MRPL55: variants seen among roughly 807,000 people sequenced by gnomAD.
The protein encoded by MRPL55 is mitochondrial ribosomal protein L55, also known as large ribosomal subunit protein mL55.
In MRPL55, 7 loss-of-function variants were observed where a neutral mutation model predicts 10.6. The ratio of observed to expected loss-of-function variants is 0.66; its 90% CI spans 0.38 to 1.24. The LOEUF is 1.24. Ranked by LOEUF, MRPL55 falls within the 50% of genes most tolerant of loss-of-function variation. The pLI, the probability that MRPL55 is intolerant of heterozygous loss-of-function variation, is 0.02. For missense variants in MRPL55, 148 were observed against 180.3 expected, an observed-to-expected ratio of 0.82 and a Z score of 1.03; for synonymous variants, 57 against 71.8, an observed-to-expected ratio of 0.79 and a Z score of 1.04.
rs1383637421 is a variant in MRPL55, at chr1:228,107,650, C to A, written c.228+18G>T. 6.2e-7 allele frequency: 1 copy of A among 1,611,794 alleles called. No homozygotes were observed. The highest frequency in any genetic ancestry group is 1.3e-5 in the African/African-American group (1 of 75,014). Reference sequence around the variant, plus strand: ...ACCCCAGCCCGGCACCTGGAAGCACCTGGAGAGGGAAGCTTACCGCCAGCA... The same window carrying A: ...ACCCCAGCCCGGCACCTGGAAGCACATGGAGAGGGAAGCTTACCGCCAGCA... On this transcript the variant is annotated intron_variant, in intron 4 of 4. Transcript: ENST00000336520.
chr1:228,109,232 G>A lies in MRPL55; in HGVS notation c.-209C>T, dbSNP rs1020737589. The A allele has an allele frequency of 6.6e-6, 1 of 152,370 alleles. No homozygotes were observed. The highest frequency in any genetic ancestry group is 1.5e-5 in the Non-Finnish European group (1 of 68,096). 9.4% of individuals were successfully genotyped at this position (152,370 alleles called of 1,614,324 possible). On this transcript the variant is annotated 5_prime_UTR_variant, in exon 1 of 5. Coordinates refer to ENST00000336520, the MANE Select transcript of MRPL55 (RefSeq NM_181463.3). The stretch of plus-strand genomic sequence containing the variant: ...GCCCGGTGGAACTAAGACCAGGGAC[G>A]AGGCCACGCAGGAGATCAAGGTACT...
rs1338441270 is a variant in MRPL55, at chr1:228,109,268, GGTGCTGCT to G, written c.-253_-246del. On this transcript the variant is annotated 5_prime_UTR_variant, in exon 1 of 5. Coordinates refer to ENST00000336520, the MANE Select transcript of MRPL55 (RefSeq NM_181463.3). ...GGAGATCAAGGTACTCACTGCGTTG[GGTGCTGCT>G]GCGCTGCAGCCCACGACGTCACTGG... The G allele has an allele frequency of 6.6e-6, 1 of 152,550 alleles. No homozygotes were observed. The highest frequency in any genetic ancestry group is 1.9e-4 in the East Asian group (1 of 5,188). The allele number at this position is 152,550 out of a possible 1,614,324, so 9.4% of individuals were successfully genotyped here.
rs376021962 is a variant in MRPL55, at chr1:228,106,878, C to T, written c.269G>A (p.Arg90Gln). The change falls in exon 5 of 5, where the codon CGG (arginine) becomes CAG (glutamine). Residue 90 changes from arginine (R) to glutamine (Q), a missense_variant. Arg to Gln is a conservative substitution (Grantham distance 43). Transcript: ENST00000336520. ...AGCCTCACGCTTCCGCAGCCTGGCCCGGCGCTCCTCAGGAGACAGGGTGTC... is the reference window on the plus strand; with the variant it reads ...AGCCTCACGCTTCCGCAGCCTGGCCTGGCGCTCCTCAGGAGACAGGGTGTC... ...DLDTLSPEER[R>Q]ARLRKREAQL... 19 of 1,613,740 alleles carry T rather than the reference C, an allele frequency of 1.2e-5. No homozygotes were observed. Among genetic ancestry groups the T allele is most frequent in the Admixed American group, 1.7e-5 (1 of 60,008 alleles).
intron 3 of MRPL55, 166 bp downstream of exon 3, chr1:228,108,068 AG>A: frequency 2.6e-6 from 4 of 1,539,206 alleles, no homozygotes; most frequent in Non-Finnish European, 3.5e-6. Flanking sequence ...CCCCCTAGCC[AG>A]GAAGAGGCTG....
At chr1:228,108,566 GTT>G in intron 2 of MRPL55, 3 of 429,976 alleles carry the variant, frequency 7.0e-6, no homozygotes, top group Non-Finnish European at 1.2e-5. Flanking sequence ...TGTTCTGGCC[GTT>G]ACCGAGTCTG....
intron 4 of MRPL55, 40 bp from the exon 5 acceptor site, chr1:228,106,958 G>A: frequency 1.3e-6 from 2 of 1,578,576 alleles, no homozygotes; most frequent in Non-Finnish European, 8.7e-7. Flanking sequence ...GTGGATCGAG[G>A]GACCTTGAGA....
chr1:228,107,797 A>T lies in MRPL55; in HGVS notation c.99T>A (p.Ala33=), dbSNP rs368833177. The change falls in exon 4 of 5, where the codon GCT becomes GCA. Residue 33 remains alanine, a synonymous_variant. Transcript: ENST00000336520. ...LRRLHTSSWR[A]DSSRASLTRV... is the part of the protein sequence containing the mutation. ...GAGTGAGTGAGGCCCTGCTGCTGTCAGCTCGCCAGGAGGATGTGTGCAGGC... is the reference window on the plus strand; with the variant it reads ...GAGTGAGTGAGGCCCTGCTGCTGTCTGCTCGCCAGGAGGATGTGTGCAGGC... 51 of 1,613,144 alleles carry T rather than the reference A, an allele frequency of 3.2e-5. No individual in the cohort carries two copies. The highest frequency in any genetic ancestry group is 4.2e-5 in the Non-Finnish European group (50 of 1,180,028).
At position 228,107,992 on chromosome 1, in the gene MRPL55, G is replaced by A. The variant is rs776089641; in HGVS notation, c.27-123C>T. On this transcript the variant is annotated intron_variant, in intron 3 of 4. Coordinates refer to ENST00000336520, the MANE Select transcript of MRPL55 (RefSeq NM_181463.3). ...GAGACATTACCAGAGCTGGTGACCC[G>A]TGCCGGGGCAGGATGAGCCTCGGGG... 17 of 1,546,188 alleles carry A rather than the reference G, an allele frequency of 1.1e-5. No homozygotes were observed. Among genetic ancestry groups the A allele is most frequent in the African/African-American group, 4.1e-5 (3 of 73,058 alleles).
chr1:228,107,891 C>T (rs1374571647), intron 3 of MRPL55, 22 bp from the exon 4 acceptor site: 1 of 1,612,448 alleles, frequency 6.2e-7, no homozygotes, highest in South Asian at 1.1e-5. Context: ...TGTTCAAGCT[C>T]TGGTCAGCCG....
chr1:228,108,340 G>T, intron 2 of MRPL55, 22 bp from the exon 3 acceptor site: 2 of 1,435,826 alleles, frequency 1.4e-6, no homozygotes, highest in Non-Finnish European at 1.9e-6. Flanking sequence ...AGAATGAAGA[G>T]ATCTTTTTTA....
chr1:228,107,973 T>C lies in MRPL55; in HGVS notation c.27-104A>G, dbSNP rs1472120231. The C allele has an allele frequency of 9.0e-6, 14 of 1,553,116 alleles. 1 individual carries two copies. The highest frequency in any genetic ancestry group is 8.2e-5 in the African/African-American group (6 of 73,262). ...GGGCACTGCCGGGCCACAGGAGACA[T>C]TACCAGAGCTGGTGACCCGTGCCGG... On this transcript the variant is annotated intron_variant, in intron 3 of 4. Coordinates refer to ENST00000336520, the MANE Select transcript of MRPL55 (RefSeq NM_181463.3).
At chr1:228,108,167 C>A in intron 3 of MRPL55, 68 bp downstream of exon 3, 1 of 1,565,624 alleles carries the variant, frequency 6.4e-7, no homozygotes, top group Non-Finnish European at 8.7e-7. Flanking sequence ...CGGTTTCCTG[C>A]TGAAGAGAGG....
Position 228,106,838 on chromosome 1 carries a change from C to A in MRPL55, c.309G>T (p.Arg103Ser), listed in dbSNP as rs776934428. The A allele has an allele frequency of 3.7e-6, 6 of 1,613,896 alleles. No individual in the cohort carries two copies. The East Asian group carries it at 1.3e-4, about 36-fold the overall frequency. ...LRKREAQLQS[R>S]KEYEQELSDD... is the part of the protein sequence containing the mutation. ...CACTGAGCTCCTGCTCGTACTCCTT[C>A]CTCGACTGGAGCTGAGCCTCACGCT... Residue 103 changes from arginine to serine, a missense_variant, in exon 5 of 5, where the codon AGG (arginine) becomes AGT (serine). By Grantham distance (110) the Arg-to-Ser change is moderately radical (BLOSUM62 -1). Coordinates refer to ENST00000336520, the MANE Select transcript of MRPL55 (RefSeq NM_181463.3).
At chr1:228,108,746 G>A (rs1389321817) in intron 2 of MRPL55, 1 of 167,842 alleles carries the variant, frequency 6.0e-6, no homozygotes. Flanking sequence ...GGATTCCCAT[G>A]GGAGTCTGTG....
At position 228,107,568 on chromosome 1, in the gene MRPL55, C is replaced by T. The variant is rs984737279; in HGVS notation, c.228+100G>A. On this transcript the variant is annotated intron_variant, in intron 4 of 4. Transcript: ENST00000336520. Reference sequence around the variant, plus strand: ...GACTCCTGTCATGTGGTACAGTGACCACAGCCACATGTCCATCCGAAGGCG... The same window carrying T: ...GACTCCTGTCATGTGGTACAGTGACTACAGCCACATGTCCATCCGAAGGCG... 4.0e-5 allele frequency: 43 copies of T among 1,085,184 alleles called. No homozygotes were observed. In the Admixed American group the frequency reaches 6.3e-4, roughly 16 times the overall value. 67.2% of individuals were successfully genotyped at this position (1,085,184 alleles called of 1,614,324 possible).
chr1:228,108,428 G>A (rs758212768), intron 2 of MRPL55, 110 bp from the exon 3 acceptor site: 4 of 694,950 alleles, frequency 5.8e-6, no homozygotes, highest in Non-Finnish European at 9.7e-6. Flanking sequence ...TAATCACCAC[G>A]CCACTCACCA....
Position 228,106,743 on chromosome 1 carries a change from G to T in MRPL55, c.*17C>A. On this transcript the variant is annotated 3_prime_UTR_variant, in exon 5 of 5. Transcript: ENST00000336520. ...CCCTCCCATCTTAGCAATGTCCCGGGGTGGCTGGAGCCACGGTCACTTCTT... is the reference window on the plus strand; with the variant it reads ...CCCTCCCATCTTAGCAATGTCCCGGTGTGGCTGGAGCCACGGTCACTTCTT... 1 of 1,603,378 alleles carries T rather than the reference G, an allele frequency of 6.2e-7. No homozygotes were observed. The highest frequency in any genetic ancestry group is 8.5e-7 in the Non-Finnish European group (1 of 1,173,042).
At position 228,107,681 on chromosome 1, in the gene MRPL55, C is replaced by A. The variant is rs753594406; in HGVS notation, c.215G>T (p.Arg72Leu). The A allele has an allele frequency of 6.2e-7, 1 of 1,612,982 alleles. No homozygotes were observed. The highest frequency in any genetic ancestry group is 8.5e-7 in the Non-Finnish European group (1 of 1,180,008). Reference sequence around the variant, plus strand: ...AGGGAAGCTTACCGCCAGCATGCGCCGTGGCTCCCTGTAGCGGATGTGGAT... The same window carrying A: ...AGGGAAGCTTACCGCCAGCATGCGCAGTGGCTCCCTGTAGCGGATGTGGAT... The part of the protein sequence containing the change: ...STIHIRYREP[R>L]RMLAMPIDLD... The change falls in exon 4 of 5, where the codon CGG (arginine) becomes CTG (leucine). Residue 72 changes from arginine to leucine, a missense_variant. Transcript: ENST00000336520.
At position 228,106,862 on chromosome 1, in the gene MRPL55, C is replaced by T. The variant is rs1303464025; in HGVS notation, c.285G>A (p.Lys95=). ...TCCTCGACTGGAGCTGAGCCTCACGCTTCCGCAGCCTGGCCCGGCGCTCCT... is the reference window on the plus strand; with the variant it reads ...TCCTCGACTGGAGCTGAGCCTCACGTTTCCGCAGCCTGGCCCGGCGCTCCT... ...SPEERRARLR[K]REAQLQSRKE... The change falls in exon 5 of 5, where the codon AAG becomes AAA. Residue 95 remains lysine (K), a synonymous_variant. Transcript: ENST00000336520. 4 of 1,613,762 alleles carry T rather than the reference C, an allele frequency of 2.5e-6. No homozygotes were observed. The African/African-American group carries it at 5.3e-5, about 22-fold the overall frequency.
Sources: gnomAD v4.1 joint callset for allele counts on GRCh38, gnomAD v4.1.1 for gene constraint, MANE v1.5 for transcripts, NCBI Gene and HGNC (gene_info 2026-07-23, HGNC 2026-07-21) for gene names.